Variants in TRHDE observed in about 807,000 individuals in gnomAD.
The protein encoded by TRHDE is thyrotropin-releasing hormone-degrading ectoenzyme.
TRHDE carries 72 observed loss-of-function variants against 125.7 expected under a neutral mutation model. The ratio of observed to expected loss-of-function variants is 0.57; its 90% CI spans 0.47 to 0.70. TRHDE has a LOEUF of 0.70. Among genes scored for constraint, TRHDE ranks in the 30% least tolerant of loss-of-function variants. The pLI is 0.00. For missense variants in TRHDE, 1,110 were observed against 1,327.1 expected (o/e 0.84, Z 2.54); for synonymous variants, 509 against 509.1 (o/e 1.00, Z 0.00).
intron 2 of TRHDE, among the ~76,000 whole-genome samples, chr12:72,365,836 T>G (rs1871319502): frequency 6.6e-6 from 1 of 152,084 alleles, no homozygotes; most frequent in South Asian, 2.1e-4. Context: ...CTTCTGGAGG[T>G]TAGAAATCCA....
At chr12:72,491,341 C>A (rs532555578) in intron 5 of TRHDE, among the ~76,000 whole-genome samples, 1 of 151,896 alleles carries the variant, frequency 6.6e-6, no homozygotes, top group South Asian at 2.1e-4. Flanking sequence ...TTATTTGAAG[C>A]ACATTCACAA....
intron 12 of TRHDE, among the ~76,000 whole-genome samples, chr12:72,591,593 G>T (rs1871683466): frequency 6.9e-6 from 1 of 144,262 alleles, no homozygotes; most frequent in African/African-American, 2.6e-5. Flanking sequence ...CCTAATATTT[G>T]CCAGTTTTTG....
chr12:72,109,697 C>T (rs1268858262), intron 2 of TRHDE, among the ~76,000 whole-genome samples: 1 of 152,082 alleles, frequency 6.6e-6, no homozygotes, highest in Admixed American at 6.6e-5. Flanking sequence ...GAGATATTTT[C>T]CCCCAAAATC....
At chr12:72,582,988 G>T (rs977081134) in intron 12 of TRHDE, among the ~76,000 whole-genome samples, 1 of 152,060 alleles carries the variant, frequency 6.6e-6, no homozygotes, top group Non-Finnish European at 1.5e-5. Context: ...ATGAAATTAT[G>T]AGCATTATTA....
At chr12:72,130,590 A>C (rs1183840696) in intron 2 of TRHDE, among the ~76,000 whole-genome samples, 1 of 152,218 alleles carries the variant, frequency 6.6e-6, no homozygotes, top group Non-Finnish European at 1.5e-5. Context: ...ATGAAACAAA[A>C]AAGCACTAGG....
At chr12:72,476,275 G>T (rs1269114399) in intron 5 of TRHDE, among the ~76,000 whole-genome samples, 1 of 152,146 alleles carries the variant, frequency 6.6e-6, no homozygotes, top group Non-Finnish European at 1.5e-5. Flanking sequence ...TTTAGTTTGT[G>T]AGATAGCTCA....
At chr12:72,252,682 C>T (rs1403860221) in intron 2 of TRHDE, among the ~76,000 whole-genome samples, 1 of 152,004 alleles carries the variant, frequency 6.6e-6, no homozygotes, top group Non-Finnish European at 1.5e-5. Flanking sequence ...AAAAACTTCC[C>T]TGAATTTTGA....
rs143410514 is a variant in TRHDE at position 72,473,997 on chromosome 12, C to T, written c.1584+817C>T. ...ACTTTTATTTGTGACATAGCGTAGG[C>T]GATTATGTATATATATACACACGCA... On this transcript the variant is annotated intron_variant, in intron 5 of 18. Coordinates refer to ENST00000261180, the MANE Select transcript of TRHDE (RefSeq NM_013381.3). Among the ~76,000 whole-genome samples, 109 of 151,770 alleles carry T rather than the reference C, an allele frequency of 7.2e-4. 1 individual carries two copies. In the East Asian group the frequency reaches 0.018, roughly 25 times the overall value.
At chr12:72,168,191 T>C (rs1422428594) in intron 2 of TRHDE, among the ~76,000 whole-genome samples, 1 of 152,206 alleles carries the variant, frequency 6.6e-6, no homozygotes, top group African/African-American at 2.4e-5. Flanking sequence ...ATGTAGATAC[T>C]GGGTAAACTG....
intron 3 of TRHDE, among the ~76,000 whole-genome samples, chr12:72,432,332 C>T (rs1874527204): frequency 6.6e-6 from 1 of 152,290 alleles, no homozygotes; most frequent in Non-Finnish European, 1.5e-5. Flanking sequence ...ATGCCGAAAA[C>T]CTGGAGCCAA....
intron 2 of TRHDE, among the ~76,000 whole-genome samples, chr12:72,365,552 TTA>T (rs1458132880): frequency 6.6e-6 from 1 of 152,090 alleles, no homozygotes; most frequent in Non-Finnish European, 1.5e-5. Context: ...CTTACATGCA[TTA>T]ATGTATTGGA....
rs147734061 is a variant in TRHDE, at chr12:72,202,229, T to C, written n.279+96477T>C. 2.8e-3 allele frequency among the ~76,000 whole-genome samples: 425 copies of C among 152,254 alleles called. 1 individual carries two copies. Among genetic ancestry groups the C allele is most frequent in the African/African-American group, 9.7e-3 (404 of 41,544 alleles). On this transcript the variant is annotated intron_variant and non_coding_transcript_variant, in intron 2 of 4. Coordinates refer to the TRHDE transcript ENST00000548156. ...CCCTTTGGTCTATCAGTGAGATCCC[T>C]TGTCCTCTGGTTTCCTGTTTCTGGC...
intron 2 of TRHDE, among the ~76,000 whole-genome samples, chr12:72,371,452 A>T (rs1033918323): frequency 2.0e-5 from 3 of 151,488 alleles, no homozygotes; most frequent in African/African-American, 7.3e-5. Flanking sequence ...CAGGTTAGTT[A>T]TATATGTATA....
At chr12:72,489,418 C>T (rs1877559783) in intron 5 of TRHDE, among the ~76,000 whole-genome samples, 1 of 151,740 alleles carries the variant, frequency 6.6e-6, no homozygotes, top group African/African-American at 2.4e-5. Flanking sequence ...GTCTATATTA[C>T]CGAAAGCAAT....
intron 2 of TRHDE, among the ~76,000 whole-genome samples, chr12:72,226,010 C>T (rs968448734): frequency 1.3e-5 from 2 of 152,182 alleles, no homozygotes; most frequent in Admixed American, 6.5e-5. Flanking sequence ...GGACCGTGTA[C>T]CAAAAGCTGT....
chr12:72,179,372 T>C (rs542560478), intron 2 of TRHDE, among the ~76,000 whole-genome samples: 2 of 152,100 alleles, frequency 1.3e-5, no homozygotes, highest in Non-Finnish European at 2.9e-5. Context: ...ACTGATGAGC[T>C]TAAAGGATTT....
At chr12:72,594,362 C>G (rs1214499703) in intron 12 of TRHDE, among the ~76,000 whole-genome samples, 1 of 151,652 alleles carries the variant, frequency 6.6e-6, no homozygotes, top group Admixed American at 6.6e-5. Context: ...TTCGAGAAAC[C>G]CCGTCTCCAC....
chr12:72,161,055 A>T (rs1276198618), intron 2 of TRHDE, among the ~76,000 whole-genome samples: 1 of 152,088 alleles, frequency 6.6e-6, no homozygotes, highest in Non-Finnish European at 1.5e-5. Context: ...ACTGGCTGCA[A>T]ATTGTACCTG....
In TRHDE at chr12:72,278,534, G is replaced by A. The variant is rs114110136; in HGVS notation, c.914+4977G>A. 5.0e-3 allele frequency among the ~76,000 whole-genome samples: 764 copies of A among 152,200 alleles called. 10 individuals carry two copies. Among genetic ancestry groups the A allele is most frequent in the African/African-American group, 0.018 (740 of 41,558 alleles). The stretch of plus-strand genomic sequence containing the variant: ...CTCCATACTGTTTTCCATAATGGCT[G>A]TACTAATTTATAGTGTACTCATTTT... On this transcript the variant is annotated intron_variant, in intron 1 of 18. Coordinates refer to ENST00000261180, the MANE Select transcript of TRHDE (RefSeq NM_013381.3).
Sources: allele counts gnomAD v4.1 joint callset (sites outside exome capture counted in the v4.1 genomes callset), GRCh38; gene constraint gnomAD v4.1.1; transcripts MANE v1.5; gene names NCBI Gene and HGNC (gene_info 2026-07-23, HGNC 2026-07-21).